COX18: variants seen among roughly 807,000 people sequenced by gnomAD.
COX18 encodes cytochrome c oxidase assembly protein COX18, mitochondrial.
In COX18, 45 loss-of-function variants were observed where a neutral mutation model predicts 38.0. That is an observed-to-expected ratio of 1.18 (90% CI 0.93 to 1.52). The LOEUF is 1.52. COX18 is among the 40% of genes most tolerant of loss of function. The probability of loss-of-function intolerance (pLI) is 0.00; values close to 1 mark genes in which losing one functional copy is unlikely to be tolerated. For missense variants in COX18, 462 were observed against 423.8 expected (o/e 1.09, Z -0.79); for synonymous variants, 177 against 169.8 (o/e 1.04, Z -0.33).
rs565236899 is a variant in COX18, at chr4:73,069,297, C to T, written c.333+20G>A. 6.1e-5 allele frequency: 91 copies of T among 1,483,570 alleles called. No homozygotes were observed. The African/African-American group carries it at 1.2e-3, about 19-fold the overall frequency. The allele number at this position is 1,483,570 out of a possible 1,614,324, so 91.9% of individuals were successfully genotyped here. A position where few individuals can be genotyped will look rare whatever the true frequency, so the allele number is the denominator to read the frequency against. ...CAGGGGTTGCAGCGCAGGGTACGCG[C>T]ACGGCTCGGCGCCCCTCACCTTGGC... On this transcript the variant is annotated intron_variant, in intron 1 of 5. Coordinates refer to ENST00000507544, the MANE Select transcript of COX18 (RefSeq NM_001297732.2).
In COX18 at chr4:73,069,401, C is replaced by T. The variant is rs1237386747; in HGVS notation, c.249G>A (p.Trp83Ter). 6.4e-7 allele frequency: 1 copy of T among 1,567,340 alleles called. No homozygotes were observed. Among genetic ancestry groups the T allele is most frequent in the Admixed American group, 1.9e-5 (1 of 53,328 alleles). Residue 83 changes from tryptophan (W) to a stop codon, truncating the protein, a stop_gained, in exon 1 of 6, where the codon TGG (tryptophan) becomes TGA (stop). Coordinates refer to ENST00000507544, the MANE Select transcript of COX18 (RefSeq NM_001297732.2). LOFTEE classifies it high-confidence loss of function. ...GVHAATGLPW[W>*]GSILLSTVAL... is the part of the protein sequence containing the mutation. ...CCACGGTGGAGAGCAGAATGCTGCC[C>T]CACCAGGGCAGGCCCGTGGCGGCGT...
chr4:73,056,783 A>C lies in COX18; in HGVS notation c.*1331T>G, dbSNP rs1163982985. 1.3e-5 allele frequency: 2 copies of C among 152,172 alleles called. No individual in the cohort carries two copies. Among genetic ancestry groups the C allele is most frequent in the African/African-American group, 4.8e-5 (2 of 41,452 alleles). 9.4% of individuals were successfully genotyped at this position (152,172 alleles called of 1,614,324 possible). ...AACCATACATATATAGCCTTTTTTC[A>C]GATGCTCAAAGAGGTCTAAAATCCT... is the stretch of plus-strand genomic sequence containing the variant. On this transcript the variant is annotated 3_prime_UTR_variant, in exon 6 of 6. Transcript: ENST00000507544.
At position 73,069,572 on chromosome 4, in the gene COX18, C is replaced by T. The variant is rs570492077; in HGVS notation, c.78G>A (p.Ala26=). 3.2e-6 allele frequency: 5 copies of T among 1,564,310 alleles called. No homozygotes were observed. The African/African-American group carries it at 6.8e-5, about 21-fold the overall frequency. Reference sequence around the variant, plus strand: ...GCTTGGCGCCGCTCGTAGGAACCGGCGCAAGCGGCAGGTCCCTAGCCCAAA... The same window carrying T: ...GCTTGGCGCCGCTCGTAGGAACCGGTGCAAGCGGCAGGTCCCTAGCCCAAA... The part of the protein sequence containing the change: ...LQLWARDLPL[A]PVPTSGAKRP... The change falls in exon 1 of 6, where the codon GCG becomes GCA. Residue 26 remains alanine, a synonymous_variant. Coordinates refer to ENST00000507544, the MANE Select transcript of COX18 (RefSeq NM_001297732.2).
chr4:73,061,707 CAAAAAAAAAAAA>C (rs35931617), intron 5 of COX18, 94 bp downstream of exon 5: 5 of 374,556 alleles, frequency 1.3e-5, no homozygotes, highest in Non-Finnish European at 1.4e-5. Context: ...GACTCCGTCT[CAAAAAAAAAAAA>C]AAAAAAAAAA....
rs901657067 is a variant in COX18, at chr4:73,057,595, A to G, written c.*519T>C. The G allele has an allele frequency of 6.5e-6, 1 of 152,696 alleles. No homozygotes were observed. Among genetic ancestry groups the G allele is most frequent in the Non-Finnish European group, 1.5e-5 (1 of 68,400 alleles). The allele number at this position is 152,696 out of a possible 1,614,324, so 9.5% of individuals were successfully genotyped here. On this transcript the variant is annotated 3_prime_UTR_variant, in exon 6 of 6. Transcript: ENST00000507544. ...AAACAGAGACAGGCACTTTGGTTCT[A>G]TTCTAATACTTTCACAAACATACTG...
At chr4:73,060,953 C>T (rs34716955) in intron 5 of COX18, among the ~76,000 whole-genome samples, 55,703 of 151,506 alleles carry the variant, frequency 0.37, 10,709 homozygotes, top group South Asian at 0.46. Flanking sequence ...CAACTGAATT[C>T]GACTTTATGT....
At chr4:73,059,868 G>C (rs1720064000) in intron 5 of COX18, among the ~76,000 whole-genome samples, 1 of 151,374 alleles carries the variant, frequency 6.6e-6, no homozygotes, top group South Asian at 2.1e-4. Flanking sequence ...CTCTTCCTTA[G>C]TAACAAAATC....
At chr4:73,066,597 C>T (rs1055440823) in intron 2 of COX18, among the ~76,000 whole-genome samples, 1 of 152,178 alleles carries the variant, frequency 6.6e-6, no homozygotes, top group African/African-American at 2.4e-5. Context: ...TAGAAAGAAA[C>T]ATCTGTAAGG....
At chr4:73,059,793 A>C (rs1720060093) in intron 5 of COX18, among the ~76,000 whole-genome samples, 1 of 152,202 alleles carries the variant, frequency 6.6e-6, no homozygotes, top group Admixed American at 6.5e-5. Context: ...TTTATCCACC[A>C]AAAGAAAAAG....
intron 2 of COX18, among the ~76,000 whole-genome samples, chr4:73,067,449 T>C (rs1199862845): frequency 6.6e-6 from 1 of 152,206 alleles, no homozygotes; most frequent in Non-Finnish European, 1.5e-5. Context: ...CTGGAATCCC[T>C]AAAGAATAGG....
intron 4 of COX18, among the ~76,000 whole-genome samples, 169 bp from the exon 5 acceptor site, chr4:73,062,089 T>G (rs930896516): frequency 1.3e-5 from 2 of 152,188 alleles, no homozygotes; most frequent in East Asian, 3.9e-4. Flanking sequence ...CATCTTTTTA[T>G]TTTTTGAGAC....
At position 73,069,674 on chromosome 4, in the gene COX18, TC is replaced by T; in HGVS notation, c.-26del. On this transcript the variant is annotated 5_prime_UTR_variant, in exon 1 of 6. Coordinates refer to ENST00000507544, the MANE Select transcript of COX18 (RefSeq NM_001297732.2). The stretch of plus-strand genomic sequence containing the variant: ...TTTCTGCACCACGGCGGAGCCCAGA[TC>T]CCGGGCCTCACAATCCAGCGGACAT... 6.5e-7 allele frequency: 1 copy of T among 1,536,674 alleles called. No homozygotes were observed. Among genetic ancestry groups the T allele is most frequent in the Non-Finnish European group, 8.7e-7 (1 of 1,146,450 alleles).
chr4:73,064,952 A>C (rs756333884), intron 3 of COX18, 50 bp from the exon 4 acceptor site: 1 of 1,558,584 alleles, frequency 6.4e-7, no homozygotes, highest in South Asian at 1.1e-5. Flanking sequence ...AATAGCAGAG[A>C]AAAATATATA....
At chr4:73,065,178 T>TC in intron 3 of COX18, 72 bp downstream of exon 3, 1 of 726,236 alleles carries the variant, frequency 1.4e-6, no homozygotes, top group Non-Finnish European at 2.0e-6. Context: ...TATGCTTTTT[T>TC]TTTTTTTTTT....
In COX18 at chr4:73,055,856, T is replaced by C; in HGVS notation, c.*2258A>G. Reference sequence around the variant, plus strand: ...GGATATTTCAATTCCTTCAATGTGGTTGGAAAGCACAATTGCCCCAATAGG... The same window carrying C: ...GGATATTTCAATTCCTTCAATGTGGCTGGAAAGCACAATTGCCCCAATAGG... On this transcript the variant is annotated 3_prime_UTR_variant, in exon 6 of 6. Transcript: ENST00000507544. 1 of 152,124 alleles carries C rather than the reference T, an allele frequency of 6.6e-6. No homozygotes were observed. The highest frequency in any genetic ancestry group is 1.9e-4 in the East Asian group (1 of 5,198). 9.4% of individuals were successfully genotyped at this position (152,124 alleles called of 1,614,324 possible).
intron 3 of COX18, 78 bp downstream of exon 3, chr4:73,065,172 C>CTTTGTTTTTTTTTTT: frequency 1.4e-6 from 1 of 689,738 alleles, no homozygotes; most frequent in African/African-American, 2.1e-5. Flanking sequence ...GAAAAGTATG[C>CTTTGTTTTTTTTTTT]TTTTTTTTTT....
At position 73,056,436 on chromosome 4, in the gene COX18, C is replaced by T. The variant is rs1577943115; in HGVS notation, c.*1678G>A. On this transcript the variant is annotated 3_prime_UTR_variant, in exon 6 of 6. Transcript: ENST00000507544. ...AAACAATCTGAATGCTTAAGATTTTCCACTTTGGGTGCTAGCAGTACACAG... is the reference window on the plus strand; with the variant it reads ...AAACAATCTGAATGCTTAAGATTTTTCACTTTGGGTGCTAGCAGTACACAG... 3 of 152,322 alleles carry T rather than the reference C, an allele frequency of 2.0e-5. No homozygotes were observed. In the South Asian group the frequency reaches 6.2e-4, roughly 32 times the overall value. 9.4% of individuals were successfully genotyped at this position (152,322 alleles called of 1,614,324 possible).
intron 2 of COX18, among the ~76,000 whole-genome samples, chr4:73,065,814 C>T (rs1720420979): frequency 6.6e-6 from 1 of 152,166 alleles, no homozygotes; most frequent in Non-Finnish European, 1.5e-5. Flanking sequence ...CTGAATATAC[C>T]TTTTGGAGCT....
intron 4 of COX18, 96 bp from the exon 5 acceptor site, chr4:73,062,016 A>T: frequency 1.6e-6 from 1 of 644,632 alleles, no homozygotes; most frequent in South Asian, 1.8e-5. Flanking sequence ...ACTGGCCTCC[A>T]TCTACACTTT....
Sources: allele counts gnomAD v4.1 joint callset (sites outside exome capture counted in the v4.1 genomes callset), GRCh38; gene constraint gnomAD v4.1.1; transcripts MANE v1.5; gene names NCBI Gene and HGNC (gene_info 2026-07-23, HGNC 2026-07-21).